Variants in PAX3 observed in about 807,000 individuals in gnomAD.
PAX3 encodes the protein paired box 3.
In PAX3, 14 loss-of-function variants were observed where a neutral mutation model predicts 51.6. That is an observed-to-expected ratio of 0.27 (90% confidence interval 0.18 to 0.42). PAX3 has a LOEUF of 0.42. Among genes scored for constraint, PAX3 ranks in the 10% least tolerant of loss-of-function variants. PAX3 has a pLI of 1.00. For missense variants in PAX3, 540 were observed against 642.8 expected (o/e 0.84, Z 1.73); for synonymous variants, 280 against 253.4 (o/e 1.11, Z -1.00).
At chr2:222,253,633 C>CTTTTT (rs5838943) in intron 4 of PAX3, among the ~76,000 whole-genome samples, 1 of 146,476 alleles carries the variant, frequency 6.8e-6, no homozygotes, top group African/African-American at 2.5e-5. Flanking sequence ...CAAAACTTTT[C>CTTTTT]TTTTTTTTTT....
intron 4 of PAX3, among the ~76,000 whole-genome samples, chr2:222,282,277 G>T (rs1364245481): frequency 6.6e-6 from 1 of 152,100 alleles, no homozygotes; most frequent in South Asian, 2.1e-4. Flanking sequence ...TTCACAGGCT[G>T]AAACGTCTAG....
chr2:222,244,284 TG>T (rs1170286045), intron 4 of PAX3, among the ~76,000 whole-genome samples: 1 of 152,202 alleles, frequency 6.6e-6, no homozygotes, highest in Admixed American at 6.5e-5. Flanking sequence ...TTTCATGTCA[TG>T]GTGATGTGTC....
chr2:222,265,961 G>C (rs1363597639), intron 4 of PAX3, among the ~76,000 whole-genome samples: 1 of 152,192 alleles, frequency 6.6e-6, no homozygotes, highest in Non-Finnish European at 1.5e-5. Context: ...AGGGTTTGAA[G>C]GCAGGGCTAA....
chr2:222,264,363 G>A (rs1043574717), intron 4 of PAX3: 52 of 152,326 alleles, frequency 3.4e-4, no homozygotes, highest in African/African-American at 1.2e-3. Context: ...GAGATAAAAT[G>A]CAGATTGATG....
intron 4 of PAX3, among the ~76,000 whole-genome samples, chr2:222,254,632 C>A (rs1367938156): frequency 6.6e-6 from 1 of 152,120 alleles, no homozygotes; most frequent in Non-Finnish European, 1.5e-5. Flanking sequence ...ACCAAAAGAT[C>A]CCTTAGAGAG....
At chr2:222,274,515 A>AC (rs1206390251) in intron 4 of PAX3, among the ~76,000 whole-genome samples, 7 of 150,372 alleles carry the variant, frequency 4.7e-5, no homozygotes, top group Non-Finnish European at 8.9e-5. Flanking sequence ...AACCACCTCT[A>AC]TAAAGGAAGT....
chr2:222,267,878 C>T (rs1017472741), intron 4 of PAX3, among the ~76,000 whole-genome samples: 5 of 152,062 alleles, frequency 3.3e-5, no homozygotes, highest in Non-Finnish European at 4.4e-5. Context: ...ATACGACTTA[C>T]CCTGGGTGAC....
rs367927517 is a variant in PAX3, at chr2:222,271,455, T to C, written c.586+22712A>G. Among the ~76,000 whole-genome samples, 5 of 152,342 alleles carry C rather than the reference T, an allele frequency of 3.3e-5. No individual in the cohort carries two copies. In the East Asian group the frequency reaches 9.6e-4, roughly 29 times the overall value. On this transcript the variant is annotated intron_variant, in intron 4 of 8. Transcript: ENST00000392070. ...AACATAGTAATAATGGTGATGCTGA[T>C]GATGATGGTACTGGTGACAGTAACG...
chr2:222,274,899 A>G (rs912872610), intron 4 of PAX3, among the ~76,000 whole-genome samples: 2 of 152,200 alleles, frequency 1.3e-5, no homozygotes, highest in African/African-American at 2.4e-5. Context: ...CAAACCTGCT[A>G]GGACCCAATT....
At chr2:222,211,767 T>C (rs1691745686) in intron 7 of PAX3, among the ~76,000 whole-genome samples, 1 of 152,172 alleles carries the variant, frequency 6.6e-6, no homozygotes, top group Non-Finnish European at 1.5e-5. Flanking sequence ...TACACTGAAT[T>C]AAACAAAATT....
At chr2:222,202,278 GT>G in intron 7 of PAX3, 88 bp from the exon 8 acceptor site, 2 of 1,041,498 alleles carry the variant, frequency 1.9e-6, no homozygotes, top group Non-Finnish European at 2.9e-6. Flanking sequence ...TGACAGTCCA[GT>G]TTTTATTTCT....
At chr2:222,285,710 C>T (rs1475699973) in intron 4 of PAX3, among the ~76,000 whole-genome samples, 1 of 152,200 alleles carries the variant, frequency 6.6e-6, no homozygotes, top group Non-Finnish European at 1.5e-5. Context: ...ACCATTAACA[C>T]AAGACCAAAT....
chr2:222,227,676 G>A (rs1179284271), intron 5 of PAX3, among the ~76,000 whole-genome samples: 1 of 151,520 alleles, frequency 6.6e-6, no homozygotes, highest in East Asian at 1.9e-4. Context: ...TTATTTGCAT[G>A]ATATTAATAA....
At chr2:222,205,437 G>A (rs1691468439) in intron 7 of PAX3, among the ~76,000 whole-genome samples, 1 of 152,010 alleles carries the variant, frequency 6.6e-6, no homozygotes, top group South Asian at 2.1e-4. Flanking sequence ...AGCATAGAGG[G>A]GACCAGAGAC....
intron 5 of PAX3, among the ~76,000 whole-genome samples, chr2:222,224,131 A>G (rs1344938965): frequency 6.6e-6 from 1 of 152,238 alleles, no homozygotes; most frequent in African/African-American, 2.4e-5. Context: ...AATGATATAA[A>G]TAGGTAACAA....
At chr2:222,284,818 A>C (rs1330321451) in intron 4 of PAX3, among the ~76,000 whole-genome samples, 1 of 152,122 alleles carries the variant, frequency 6.6e-6, no homozygotes, top group Non-Finnish European at 1.5e-5. Context: ...GCACCTTCTC[A>C]TTTCATTCTC....
At chr2:222,292,464 A>C (rs1695078054) in intron 4 of PAX3, among the ~76,000 whole-genome samples, 1 of 152,212 alleles carries the variant, frequency 6.6e-6, no homozygotes, top group South Asian at 2.1e-4. Flanking sequence ...AAAGTTGTAC[A>C]AATGTTTGAC....
At chr2:222,258,217 C>T (rs1693718116) in intron 4 of PAX3, among the ~76,000 whole-genome samples, 1 of 152,172 alleles carries the variant, frequency 6.6e-6, no homozygotes, top group Non-Finnish European at 1.5e-5. Flanking sequence ...ATATATTTGT[C>T]TGCGTAAAGG....
At chr2:222,282,665 T>C (rs1694687554) in intron 4 of PAX3, among the ~76,000 whole-genome samples, 1 of 152,194 alleles carries the variant, frequency 6.6e-6, no homozygotes, top group Non-Finnish European at 1.5e-5. Context: ...ACAATTTTTC[T>C]GGCTTACAAA....
Sources: allele counts gnomAD v4.1 joint callset (sites outside exome capture counted in the v4.1 genomes callset), GRCh38; gene constraint gnomAD v4.1.1; transcripts MANE v1.5; gene names NCBI Gene and HGNC (gene_info 2026-07-23, HGNC 2026-07-21).